Variants in CPNE3 observed in about 807,000 individuals in gnomAD.
CPNE3 encodes copine 3.
Under a neutral mutation model 63.9 loss-of-function variants are expected in CPNE3, and 68 were observed. The observed-to-expected ratio is 1.06, with a 90% confidence interval of 0.87 to 1.30. The LOEUF (loss-of-function observed/expected upper bound fraction) is 1.30, where lower values mean the gene tolerates loss of function less well. Ranked by LOEUF, CPNE3 falls within the 50% of genes most tolerant of loss-of-function variation. The pLI is 0.00. For synonymous variants in CPNE3, 219 were observed against 197.5 expected (o/e 1.11, Z -0.91); for missense variants, 665 against 578.1 (o/e 1.15, Z -1.54).
Position 86,560,933 on chromosome 8 carries a change from G to A in CPNE3, c.*2523G>A, listed in dbSNP as rs879761023. The A allele has an allele frequency of 1.3e-5, 2 of 151,928 alleles. No individual in the cohort carries two copies. Among genetic ancestry groups the A allele is most frequent in the Admixed American group, 6.6e-5 (1 of 15,266 alleles). The allele number at this position is 151,928 out of a possible 1,614,324, so 9.4% of individuals were successfully genotyped here. ...TATTACAAATATATATCGGAGTGAC[G>A]GTGCCCAGGATAGATGTAATATTTC... is the stretch of plus-strand genomic sequence containing the variant. On this transcript the variant is annotated 3_prime_UTR_variant, in exon 17 of 17. Coordinates refer to ENST00000517490, the MANE Select transcript of CPNE3 (RefSeq NM_003909.5).
rs36073581 is a variant in CPNE3 at position 86,522,548 on chromosome 8, C to CTTTTTT, written c.-10-5964_-10-5959dup. Reference sequence around the variant, plus strand: ...CAGCCATATTACCTGACGCCCGCTGCTTTTTTTTTTTTTTTTTTTTTTTTT... The same window carrying CTTTTTT: ...CAGCCATATTACCTGACGCCCGCTGCTTTTTTTTTTTTTTTTTTTTTTTTTTTTTTT... On this transcript the variant is annotated intron_variant, in intron 2 of 16. Transcript: ENST00000517490. Among the ~76,000 whole-genome samples the CTTTTTT allele has an allele frequency of 2.4e-3, 197 of 82,148 alleles. 24 individuals are homozygous for CTTTTTT. The highest frequency in any genetic ancestry group is 4.7e-3 in the African/African-American group (77 of 16,308). 53.9% of individuals were successfully genotyped at this position (82,148 alleles called of 152,430 possible).
At position 86,560,396 on chromosome 8, in the gene CPNE3, C is replaced by G. The variant is rs1821412069; in HGVS notation, c.*1986C>G. On this transcript the variant is annotated 3_prime_UTR_variant, in exon 17 of 17. Coordinates refer to ENST00000517490, the MANE Select transcript of CPNE3 (RefSeq NM_003909.5). ...TATCTGTTTGATGCTGTGGCAGGGT[C>G]CCAGTCACTGGGCATATCCTCCTTC... 6.6e-6 allele frequency: 1 copy of G among 152,136 alleles called. No individual in the cohort carries two copies. Among genetic ancestry groups the G allele is most frequent in the Non-Finnish European group, 1.5e-5 (1 of 68,042 alleles). The allele number at this position is 152,136 out of a possible 1,614,324, so 9.4% of individuals were successfully genotyped here.
chr8:86,537,638 C>A lies in CPNE3; in HGVS notation c.535C>A (p.Arg179=). 6.3e-7 allele frequency: 1 copy of A among 1,589,822 alleles called. No individual in the cohort carries two copies. The highest frequency in any genetic ancestry group is 8.6e-7 in the Non-Finnish European group (1 of 1,157,988). The change falls in exon 7 of 17, where the codon CGG becomes AGG. Residue 179 remains arginine (R), a synonymous_variant. Transcript: ENST00000517490. ...TSDGNWLMVH[R]TEVVKNNLNP... ...TGATGGAAACTGGCTAATGGTTCAT[C>A]GGACAGAGGTGAATATTTGAATTTG...
Position 86,540,335 on chromosome 8 carries a change from G to T in CPNE3, c.633+1G>T. 6.9e-7 allele frequency: 1 copy of T among 1,446,972 alleles called. No individual in the cohort carries two copies. Among genetic ancestry groups the T allele is most frequent in the Non-Finnish European group, 9.2e-7 (1 of 1,087,248 alleles). 89.6% of individuals were successfully genotyped at this position (1,446,972 alleles called of 1,614,324 possible). A position where few individuals can be genotyped will look rare whatever the true frequency, so the allele number is the denominator to read the frequency against. ...CGGAGATATGGACAAAACCATTAAGGTAAGTTGAAATTATATATATATAAA... is the reference window on the plus strand; with the variant it reads ...CGGAGATATGGACAAAACCATTAAGTTAAGTTGAAATTATATATATATAAA... On this transcript the variant is annotated splice_donor_variant, in intron 8 of 16. Transcript: ENST00000517490. LOFTEE classifies it high-confidence loss of function.
intron 16 of CPNE3, among the ~76,000 whole-genome samples, chr8:86,557,585 A>C (rs533689059): frequency 4.7e-4 from 72 of 152,290 alleles, no homozygotes; most frequent in African/African-American, 1.6e-3. Flanking sequence ...TAACATTCCC[A>C]CCAGCAATGG....
At chr8:86,546,377 G>A (rs1430796765) in intron 9 of CPNE3, among the ~76,000 whole-genome samples, 1 of 152,020 alleles carries the variant, frequency 6.6e-6, no homozygotes, top group Non-Finnish European at 1.5e-5. Flanking sequence ...ATTTTGAAAG[G>A]TATGCAATTT....
chr8:86,557,898 T>G (rs56859433), intron 16 of CPNE3, among the ~76,000 whole-genome samples: 3,799 of 152,210 alleles, frequency 0.025, 141 homozygotes, highest in African/African-American at 0.085. Flanking sequence ...GGAATCTGGG[T>G]GAAGGGTGCA....
intron 2 of CPNE3, among the ~76,000 whole-genome samples, chr8:86,519,350 T>C (rs1820382251): frequency 6.6e-6 from 1 of 152,224 alleles, no homozygotes; most frequent in Non-Finnish European, 1.5e-5. Context: ...GCACCTACTT[T>C]TTATTTTTGA....
At chr8:86,536,454 T>C (rs1248466562) in intron 6 of CPNE3, among the ~76,000 whole-genome samples, 1 of 151,894 alleles carries the variant, frequency 6.6e-6, no homozygotes, top group Non-Finnish European at 1.5e-5. Context: ...AACAAGGATA[T>C]TCTGCTTTTA....
intron 8 of CPNE3, among the ~76,000 whole-genome samples, chr8:86,540,840 G>C (rs1434885177): frequency 6.6e-6 from 1 of 152,070 alleles, no homozygotes. Context: ...TAGTTTTAGA[G>C]TATCAGGGAA....
At chr8:86,552,838 T>A (rs993891374) in intron 14 of CPNE3, among the ~76,000 whole-genome samples, 2 of 65,424 alleles carry the variant, frequency 3.1e-5, no homozygotes, top group South Asian at 5.5e-4. Context: ...TTATTATTAA[T>A]TTTTTTTTTT....
At chr8:86,542,940 A>T (rs1222475959) in intron 8 of CPNE3, among the ~76,000 whole-genome samples, 1 of 152,076 alleles carries the variant, frequency 6.6e-6, no homozygotes, top group Admixed American at 6.6e-5. Context: ...ACTCAAATAA[A>T]ATCTTGGCCT....
intron 3 of CPNE3, 110 bp from the exon 4 acceptor site, chr8:86,528,835 A>C (rs1820600744): frequency 7.6e-7 from 1 of 1,309,988 alleles, no homozygotes; most frequent in Non-Finnish European, 1.0e-6. Flanking sequence ...ACACATATAG[A>C]AACTTCCTTT....
chr8:86,524,451 G>C (rs1473427384), intron 2 of CPNE3, among the ~76,000 whole-genome samples: 3 of 152,124 alleles, frequency 2.0e-5, no homozygotes, highest in Non-Finnish European at 4.4e-5. Context: ...TTGCATTTCA[G>C]AAGACGTGTT....
chr8:86,522,548 CTTTTTTT>C (rs36073581), intron 2 of CPNE3, among the ~76,000 whole-genome samples: 1 of 82,234 alleles, frequency 1.2e-5, no homozygotes, highest in Admixed American at 1.5e-4. Context: ...ACGCCCGCTG[CTTTTTTT>C]TTTTTTTTTT....
chr8:86,554,671 C>T (rs1821272569), intron 14 of CPNE3, among the ~76,000 whole-genome samples, 180 bp from the exon 15 acceptor site: 1 of 152,090 alleles, frequency 6.6e-6, no homozygotes, highest in Non-Finnish European at 1.5e-5. Flanking sequence ...TAGGTTTTTG[C>T]AATGGATCAT....
In CPNE3 at chr8:86,551,202, T is replaced by A; in HGVS notation, c.1088T>A (p.Met363Lys). The A allele has an allele frequency of 6.2e-7, 1 of 1,611,448 alleles. No individual in the cohort carries two copies. The highest frequency in any genetic ancestry group is 8.5e-7 in the Non-Finnish European group (1 of 1,177,614). ...TGACAGGTATCACATGAATTTCCAA[T>A]GAACTTCAACCCATCCAATCCCTAC... ...PQWQVSHEFP[M>K]NFNPSNPYCN... Residue 363 changes from methionine (M) to lysine (K), a missense_variant, in exon 14 of 17, where the codon ATG becomes AAG. Met to Lys is a moderately conservative substitution (Grantham distance 95). Coordinates refer to ENST00000517490, the MANE Select transcript of CPNE3 (RefSeq NM_003909.5).
intron 6 of CPNE3, among the ~76,000 whole-genome samples, chr8:86,534,657 A>G (rs536623813): frequency 7.9e-4 from 121 of 152,314 alleles, no homozygotes; most frequent in African/African-American, 2.9e-3. Flanking sequence ...TCCGTCTCAA[A>G]AAAAGAAGGA....
chr8:86,535,674 A>T lies in CPNE3; in HGVS notation c.460-1889A>T, dbSNP rs182290191. ...CGTCTCCAAAACAACAGAGATAATT[A>T]AAAAAAATATAGAATTACAGGCACT... On this transcript the variant is annotated intron_variant, in intron 6 of 16. Transcript: ENST00000517490. Among the ~76,000 whole-genome samples the T allele has an allele frequency of 1.3e-3, 204 of 152,220 alleles. 1 individual carries two copies. The highest frequency in any genetic ancestry group is 4.5e-3 in the African/African-American group (186 of 41,552).
Sources: gnomAD v4.1 joint callset for allele counts (sites outside exome capture counted in the v4.1 genomes callset) on GRCh38, gnomAD v4.1.1 for gene constraint, MANE v1.5 for transcripts, NCBI Gene and HGNC (gene_info 2026-07-23, HGNC 2026-07-21) for gene names.